MCM5: variants seen among roughly 807,000 people sequenced by gnomAD.
MCM5 encodes minichromosome maintenance complex component 5.
MCM5 carries 46 observed loss-of-function variants against 79.9 expected under a neutral mutation model. That is an observed-to-expected ratio of 0.58 (90% confidence interval 0.45 to 0.74). MCM5 has a LOEUF of 0.74. Ranked by LOEUF, MCM5 falls within the 30% of genes least tolerant of loss-of-function variation. The pLI, the probability that MCM5 is intolerant of heterozygous loss-of-function variation, is 0.00. For missense variants in MCM5, 883 were observed against 1,017.0 expected (o/e 0.87, Z 1.79); for synonymous variants, 404 against 390.5 (o/e 1.03, Z -0.41).
At chr22:35,437,604 C>T in the MCM5 span, among the ~76,000 whole-genome samples, 4 of 152,150 alleles carry the variant, frequency 2.6e-5, no homozygotes, top group African/African-American at 9.7e-5. Context: ...GGTCGGGCTC[C>T]TGACCTTGTA....
At chr22:35,410,519 T>A in intron 6 of MCM5, 1 of 518,758 alleles carries the variant, frequency 1.9e-6, no homozygotes, top group South Asian at 1.9e-5. Context: ...TGTTTGGCTG[T>A]CACTGTGGGC....
chr22:35,412,488 T>C (rs200396542), intron 7 of MCM5, 22 bp from the exon 8 acceptor site: 24 of 1,513,966 alleles, frequency 1.6e-5, no homozygotes, highest in African/African-American at 4.2e-5. Flanking sequence ...TACTCACTCA[T>C]GCGCCTGCTT....
Position 35,408,576 on chromosome 22 carries a change from G to A in MCM5, c.752+13G>A, listed in dbSNP as rs1422964438. The A allele has an allele frequency of 1.9e-6, 3 of 1,599,052 alleles. No individual in the cohort carries two copies. The highest frequency in any genetic ancestry group is 2.2e-5 in the South Asian group (2 of 90,652). On this transcript the variant is annotated intron_variant, in intron 6 of 16. Coordinates refer to ENST00000216122, the MANE Select transcript of MCM5 (RefSeq NM_006739.4). ...TCTACTGCGACAGGTGAGGCAGACG[G>A]GCTGGGAGGTGGGCATCTACGACGG...
chr22:35,403,430 A>G lies in MCM5; in HGVS notation c.311A>G (p.Lys104Arg), dbSNP rs1284238011. The part of the protein sequence containing the change: ...EHLQLLEEAA[K>R]EVADEVTRPR... ...TTTCTCCAGCTGGAGGAAGCTGCCA[A>G]GGAGGTAGCTGATGAGGTGACCCGG... Residue 104 changes from lysine to arginine, a missense_variant, in exon 4 of 17, where the codon AAG (lysine) becomes AGG (arginine). Lys to Arg is a conservative substitution (Grantham distance 26, BLOSUM62 2). This residue lies in a region of MCM5 where 455 missense variants were observed against 517.5 expected (regional missense o/e 0.88). Coordinates refer to ENST00000216122, the MANE Select transcript of MCM5 (RefSeq NM_006739.4). The G allele has an allele frequency of 1.2e-6, 2 of 1,614,194 alleles. No homozygotes were observed. Among genetic ancestry groups the G allele is most frequent in the Non-Finnish European group, 8.5e-7 (1 of 1,180,032 alleles).
chr22:35,451,412 G>A, the MCM5 span, among the ~76,000 whole-genome samples: 30 of 152,356 alleles, frequency 2.0e-4, no homozygotes, highest in African/African-American at 6.7e-4. Context: ...CTCTGCCAAC[G>A]CAAGCTGCGC....
chr22:35,406,704 C>A lies in MCM5; in HGVS notation c.575C>A (p.Ala192Asp). 6.2e-7 allele frequency: 1 copy of A among 1,608,794 alleles called. No individual in the cohort carries two copies. The highest frequency in any genetic ancestry group is 8.5e-7 in the Non-Finnish European group (1 of 1,179,968). The change falls in exon 5 of 17, where the codon GCC becomes GAC. Residue 192 changes from alanine to aspartate, a missense_variant. Ala to Asp is a moderately radical substitution (Grantham distance 126). This residue lies in a region of MCM5 where 455 missense variants were observed against 517.5 expected (regional missense o/e 0.88). Transcript: ENST00000216122. ...ATGCGCCCTGGCCTCGAGGGCTATG[C>A]CCTGCCCAGGAAGTGCAACACGTGA... ...IAMRPGLEGY[A>D]LPRKCNTDQA...
In MCM5 at chr22:35,419,215, G is replaced by A. The variant is rs529023805; in HGVS notation, c.1704-669G>A. On this transcript the variant is annotated intron_variant, in intron 13 of 16. Coordinates refer to ENST00000216122, the MANE Select transcript of MCM5 (RefSeq NM_006739.4). ...TCTTCCCTCTGCACTAAGTCCCCAGGTAGCCTTGGGGAGTTCCCTCCCTCC... is the reference window on the plus strand; with the variant it reads ...TCTTCCCTCTGCACTAAGTCCCCAGATAGCCTTGGGGAGTTCCCTCCCTCC... Among the ~76,000 whole-genome samples the A allele has an allele frequency of 4.6e-5, 7 of 152,282 alleles. No individual in the cohort carries two copies. In the South Asian group the frequency reaches 1.5e-3, roughly 32 times the overall value.
At chr22:35,429,542 C>T (rs1932799354), downstream of MCM5, among the ~76,000 whole-genome samples, 2 of 147,866 alleles carry the variant, frequency 1.4e-5, no homozygotes, top group Admixed American at 1.4e-4. Flanking sequence ...TTTGTTCTTC[C>T]TTTTTTTTTT....
the MCM5 span, among the ~76,000 whole-genome samples, chr22:35,431,349 C>G: frequency 6.6e-6 from 1 of 152,324 alleles, no homozygotes; most frequent in South Asian, 2.1e-4. Context: ...ATGCCCAACC[C>G]CCGAATCTTT....
chr22:35,403,586 G>GGAT, intron 4 of MCM5, 44 bp downstream of exon 4: 1 of 1,604,202 alleles, frequency 6.2e-7, no homozygotes, highest in South Asian at 1.1e-5. Context: ...AGAGGGCTTT[G>GGAT]GATGCAGCCA....
rs1569064749 is a variant in MCM5, at chr22:35,406,693, CGAG to C, written c.566_568del (p.Glu189del). 6.2e-7 allele frequency: 1 copy of C among 1,609,988 alleles called. No individual in the cohort carries two copies. The highest frequency in any genetic ancestry group is 2.2e-5 in the East Asian group (1 of 44,876). Reference sequence around the variant, plus strand: ...CCAACATTGCCATGCGCCCTGGCCTCGAGGGCTATGCCCTGCCCAGGAAGTGCA... The same window carrying C: ...CCAACATTGCCATGCGCCCTGGCCTCGGCTATGCCCTGCCCAGGAAGTGCA... On this transcript the variant is annotated inframe_deletion, in exon 5 of 17. Coordinates refer to ENST00000216122, the MANE Select transcript of MCM5 (RefSeq NM_006739.4).
chr22:35,401,814 G>A, intron 2 of MCM5: 1 of 422,748 alleles, frequency 2.4e-6, no homozygotes. Flanking sequence ...CACAGAGGAA[G>A]GTGAAAGGAC....
At chr22:35,423,467 G>C in intron 16 of MCM5, 126 bp downstream of exon 16, 3 of 1,085,730 alleles carry the variant, frequency 2.8e-6, no homozygotes, top group East Asian at 5.7e-5. Context: ...ATGGACAACT[G>C]TCCCTTTCTC....
chr22:35,429,915 C>T (rs776042071), downstream of MCM5, among the ~76,000 whole-genome samples: 4 of 152,212 alleles, frequency 2.6e-5, no homozygotes, highest in Non-Finnish European at 4.4e-5. Flanking sequence ...GGGCTCCATG[C>T]TCAATAGCTG....
the MCM5 span, among the ~76,000 whole-genome samples, chr22:35,453,592 GAT>G: frequency 4.0e-5 from 6 of 149,026 alleles, no homozygotes; most frequent in African/African-American, 1.2e-4. Flanking sequence ...GACAGACAGA[GAT>G]AGAGACATAA....
Position 35,406,296 on chromosome 22 carries a change from A to ACCCCC in MCM5, c.424-255_424-254insCCCCC, listed in dbSNP as rs758388958. ...TGCTTAGTGTATCTCTTGCCCTGCC[A>ACCCCC]CCTCCCCCCCCAATTGTGCTGCGAG... On this transcript the variant is annotated intron_variant, in intron 4 of 16. Transcript: ENST00000216122. Among the ~76,000 whole-genome samples, 655 of 120,596 alleles carry ACCCCC rather than the reference A, an allele frequency of 5.4e-3. 59 individuals are homozygous for ACCCCC. The highest frequency in any genetic ancestry group is 6.7e-3 in the Non-Finnish European group (394 of 58,690). 79.1% of individuals were successfully genotyped at this position (120,596 alleles called of 152,430 possible). A position where few individuals can be genotyped will look rare whatever the true frequency, so the allele number is the denominator to read the frequency against.
Position 35,419,948 on chromosome 22 carries a change from C to T in MCM5, c.1768C>T (p.Arg590Trp), listed in dbSNP as rs763363546. 3.7e-6 allele frequency: 6 copies of T among 1,613,118 alleles called. No homozygotes were observed. The highest frequency in any genetic ancestry group is 5.1e-6 in the Non-Finnish European group (6 of 1,179,608). The change falls in exon 14 of 17, where the codon CGG (arginine) becomes TGG (tryptophan). Residue 590 changes from arginine (R) to tryptophan (W), a missense_variant. Arg to Trp is a moderately radical substitution (Grantham distance 101). Coordinates refer to ENST00000216122, the MANE Select transcript of MCM5 (RefSeq NM_006739.4). ...ACTGAAGAACCGCTACATCATCATGCGGAGCGGGGCCCGTCAGCACGAGAG... is the reference window on the plus strand; with the variant it reads ...ACTGAAGAACCGCTACATCATCATGTGGAGCGGGGCCCGTCAGCACGAGAG... ...EKLKNRYIIM[R>W]SGARQHERDS...
In MCM5 at chr22:35,424,514, G is replaced by A; in HGVS notation, c.*259G>A. 2.7e-6 allele frequency: 1 copy of A among 368,352 alleles called. No homozygotes were observed. The highest frequency in any genetic ancestry group is 4.9e-6 in the Non-Finnish European group (1 of 203,702). The allele number at this position is 368,352 out of a possible 1,614,324, so 22.8% of individuals were successfully genotyped here. A position where few individuals can be genotyped will look rare whatever the true frequency, so the allele number is the denominator to read the frequency against. On this transcript the variant is annotated 3_prime_UTR_variant, in exon 17 of 17. Coordinates refer to ENST00000216122, the MANE Select transcript of MCM5 (RefSeq NM_006739.4). ...GGTGTGTTCAGGTATCTGTGGGTTTGTGCACTCGGTGACCTGTCACCTCCA... is the reference window on the plus strand; with the variant it reads ...GGTGTGTTCAGGTATCTGTGGGTTTATGCACTCGGTGACCTGTCACCTCCA...
chr22:35,433,512 C>A, the MCM5 span, among the ~76,000 whole-genome samples: 1 of 152,224 alleles, frequency 6.6e-6, no homozygotes, highest in Non-Finnish European at 1.5e-5. Flanking sequence ...CTCTCCTAAC[C>A]CAGGTTGCCT....
Sources: gnomAD v4.1 joint callset for allele counts (sites outside exome capture counted in the v4.1 genomes callset) on GRCh38, gnomAD v4.1.1 for gene constraint, gnomAD v4.1.1 regional missense constraint, MANE v1.5 for transcripts, NCBI Gene and HGNC (gene_info 2026-07-23, HGNC 2026-07-21) for gene names.